Variants in NDUFV1 observed in about 807,000 individuals in gnomAD.
The protein encoded by NDUFV1 is NADH dehydrogenase [ubiquinone] flavoprotein 1, mitochondrial.
A neutral mutation model predicts 48.7 loss-of-function variants in NDUFV1; 41 were observed. That is an observed-to-expected ratio of 0.84 (90% confidence interval 0.66 to 1.09). NDUFV1 has a LOEUF of 1.09. Among genes scored for constraint, NDUFV1 ranks in the 50% least tolerant of loss-of-function variants. The pLI is 0.00. For synonymous variants in NDUFV1, 231 were observed against 259.1 expected, an observed-to-expected ratio of 0.89 and a Z score of 1.04; for missense variants, 580 against 645.4, an observed-to-expected ratio of 0.90 and a Z score of 1.10.
At chr11:67,610,165 G>A (rs1854885247) in intron 4 of NDUFV1, 1 of 588,176 alleles carries the variant, frequency 1.7e-6, no homozygotes. Context: ...TATTTTCCTG[G>A]CAGCAAAGCA....
Position 67,612,168 on chromosome 11 carries a change from C to CCCGG in NDUFV1, c.1219_1222dup (p.Glu408GlyfsTer23). On this transcript the variant is annotated frameshift_variant, in exon 9 of 10. Transcript: ENST00000322776. LOFTEE classifies it high-confidence loss of function. This position sits in a 1 kb window ranked among gnomAD's most constrained non-coding sequence, Gnocchi z 4.4. ...ATGGCACGTTTCGTGAGGGGGGATG[C>CCCGG]CCGGCCGGCCGAGATCGACTCCCTG... 1 of 1,613,494 alleles carries CCCGG rather than the reference C, an allele frequency of 6.2e-7. No individual in the cohort carries two copies. The highest frequency in any genetic ancestry group is 8.5e-7 in the Non-Finnish European group (1 of 1,179,910).
chr11:67,611,571 T>G lies in NDUFV1; in HGVS notation c.1080+2T>G. The G allele has an allele frequency of 6.2e-7, 1 of 1,601,062 alleles. No homozygotes were observed. The highest frequency in any genetic ancestry group is 8.5e-7 in the Non-Finnish European group (1 of 1,173,814). On this transcript the variant is annotated splice_donor_variant, in intron 7 of 9. Coordinates refer to ENST00000322776, the MANE Select transcript of NDUFV1 (RefSeq NM_007103.4). LOFTEE classifies it high-confidence loss of function. This position sits in a 1 kb window ranked among gnomAD's most constrained non-coding sequence, Gnocchi z 4.2. ...GCGGTGATCGTCATGGACCGCTCGG[T>G]AAGGGTTCACACACCAGCCCTGGTC...
chr11:67,611,782 AC>A lies in NDUFV1; in HGVS notation c.1081-114del. ...CCCAGGGAGGCTGGAGGAGGCCAGAACGCTGGGTGGGCTGGGAAGAGCTTCT... is the reference window on the plus strand; with the variant it reads ...CCCAGGGAGGCTGGAGGAGGCCAGAAGCTGGGTGGGCTGGGAAGAGCTTCT... On this transcript the variant is annotated intron_variant, in intron 7 of 9. Transcript: ENST00000322776. This position sits in a 1 kb window ranked among gnomAD's most constrained non-coding sequence, Gnocchi z 4.2. 1 of 1,464,058 alleles carries A rather than the reference AC, an allele frequency of 6.8e-7. No homozygotes were observed. Among genetic ancestry groups the A allele is most frequent in the South Asian group, 1.2e-5 (1 of 85,866 alleles). 90.7% of individuals were successfully genotyped at this position (1,464,058 alleles called of 1,614,324 possible).
chr11:67,607,098 GC>G (rs1854819815), intron 1 of NDUFV1, 22 bp downstream of exon 1: 1 of 1,598,846 alleles, frequency 6.3e-7, no homozygotes, highest in East Asian at 2.2e-5. Flanking sequence ...CCTGGCTGGG[GC>G]CACGGGTGTT....
chr11:67,608,821 A>G, intron 3 of NDUFV1, 99 bp downstream of exon 3: 1 of 1,539,850 alleles, frequency 6.5e-7, no homozygotes, highest in South Asian at 1.1e-5. Context: ...GAAACTTAGC[A>G]TGAATGAGGT....
intron 5 of NDUFV1, 67 bp downstream of exon 5, chr11:67,610,637 T>C: frequency 6.3e-7 from 1 of 1,577,956 alleles, no homozygotes. Flanking sequence ...TAGGCTCCCT[T>C]TGGATTGTTC....
At chr11:67,609,837 A>G (rs1591110104) in intron 4 of NDUFV1, 1 of 439,602 alleles carries the variant, frequency 2.3e-6, no homozygotes, top group East Asian at 3.9e-5. Flanking sequence ...GCTGGTGTAA[A>G]TTTTTTTTTT....
At position 67,610,573 on chromosome 11, in the gene NDUFV1, A is replaced by T; in HGVS notation, c.700+3A>T. The T allele has an allele frequency of 6.2e-7, 1 of 1,613,784 alleles. No individual in the cohort carries two copies. Among genetic ancestry groups the T allele is most frequent in the Non-Finnish European group, 8.5e-7 (1 of 1,179,900 alleles). On this transcript the variant is annotated splice_donor_region_variant and intron_variant, in intron 5 of 9. Coordinates refer to ENST00000322776, the MANE Select transcript of NDUFV1 (RefSeq NM_007103.4). ...GCCCCCCTTCCCCGCAGACGTGGGT[A>T]AGGCCTGGCGTAACCCTGGGTCAGA...
intron 5 of NDUFV1, 37 bp from the exon 6 acceptor site, chr11:67,610,958 C>A (rs199689764): frequency 1.2e-6 from 2 of 1,609,506 alleles, no homozygotes; most frequent in Admixed American, 1.7e-5. Flanking sequence ...TGCCCCACCC[C>A]CTAGCAGCCA....
At position 67,612,229 on chromosome 11, in the gene NDUFV1, T is replaced by C. The variant is rs1481525020; in HGVS notation, c.1272T>C (p.Ile424=). ...EISKQIEGHT[I]CALGDGAAWP... Reference sequence around the variant, plus strand: ...GCAAGCAGATAGAAGGCCATACGATTTGTGCTCTGGGTGACGGGGCCGCCT... The same window carrying C: ...GCAAGCAGATAGAAGGCCATACGATCTGTGCTCTGGGTGACGGGGCCGCCT... Residue 424 remains isoleucine (I), a synonymous_variant, in exon 9 of 10, where the codon ATT becomes ATC. Coordinates refer to ENST00000322776, the MANE Select transcript of NDUFV1 (RefSeq NM_007103.4). This position sits in a 1 kb window ranked among gnomAD's most constrained non-coding sequence, Gnocchi z 4.4. The C allele has an allele frequency of 1.2e-6, 2 of 1,613,474 alleles. No individual in the cohort carries two copies. Among genetic ancestry groups the C allele is most frequent in the Non-Finnish European group, 1.7e-6 (2 of 1,179,886 alleles).
intron 4 of NDUFV1, chr11:67,609,864 GTATTTTTTA>G (rs1854879645): frequency 3.9e-6 from 2 of 508,150 alleles, no homozygotes; most frequent in Admixed American, 3.7e-5. Context: ...CAAAAATATA[GTATTTTTTA>G]TAAAACAAGT....
Position 67,606,998 on chromosome 11 carries a change from C to T in NDUFV1, c.-7C>T, listed in dbSNP as rs571375592. 7 of 1,609,510 alleles carry T rather than the reference C, an allele frequency of 4.3e-6. No homozygotes were observed. The South Asian group carries it at 5.5e-5, about 13-fold the overall frequency. ...ACAGCGTGAGGTGACCCATCTGGCC[C>T]GCCGCGATGCTGGCAACACGGCGGC... On this transcript the variant is annotated 5_prime_UTR_variant, in exon 1 of 10. Transcript: ENST00000322776.
At chr11:67,607,311 C>T (rs775891248) in intron 1 of NDUFV1, 6 of 689,236 alleles carry the variant, frequency 8.7e-6, no homozygotes, top group Middle Eastern at 2.3e-4. Flanking sequence ...CTCGGCCTGG[C>T]GGAAGTTTTG....
rs1565226211 is a variant in NDUFV1 at position 67,612,164 on chromosome 11, G to A, written c.1207G>A (p.Asp403Asn). The A allele has an allele frequency of 6.2e-7, 1 of 1,613,768 alleles. No individual in the cohort carries two copies. Among genetic ancestry groups the A allele is most frequent in the Non-Finnish European group, 8.5e-7 (1 of 1,179,958 alleles). Residue 403 changes from aspartate to asparagine, a missense_variant, in exon 9 of 10, where the codon GAT becomes AAT. Asp to Asn is a conservative substitution (Grantham distance 23). Coordinates refer to ENST00000322776, the MANE Select transcript of NDUFV1 (RefSeq NM_007103.4). The surrounding 1 kb of genome is among the most constrained non-coding windows in gnomAD (Gnocchi z 4.4). ...GGTGATGGCACGTTTCGTGAGGGGG[G>A]ATGCCCGGCCGGCCGAGATCGACTC... ...NKVMARFVRGDARPAEIDSLW... is the reference protein window; with the variant it reads ...NKVMARFVRGNARPAEIDSLW...
Position 67,607,213 on chromosome 11 carries a change from C to T in NDUFV1, c.72+137C>T. ...CAGGCCAGGCGGGAAGGCCCCCGCT[C>T]CGGCCTGGTTGAAGTAGGGGAACGG... On this transcript the variant is annotated intron_variant, in intron 1 of 9. Coordinates refer to ENST00000322776, the MANE Select transcript of NDUFV1 (RefSeq NM_007103.4). 9 of 1,006,840 alleles carry T rather than the reference C, an allele frequency of 8.9e-6. No homozygotes were observed. The Admixed American group carries it at 1.4e-4, about 16-fold the overall frequency. The allele number at this position is 1,006,840 out of a possible 1,614,324, so 62.4% of individuals were successfully genotyped here. A position where few individuals can be genotyped will look rare whatever the true frequency, so the allele number is the denominator to read the frequency against.
intron 3 of NDUFV1, 112 bp from the exon 4 acceptor site, chr11:67,609,340 T>C: frequency 9.1e-7 from 1 of 1,104,366 alleles, no homozygotes. Flanking sequence ...AGTAAAGGAT[T>C]GGCTGTCAGA....
chr11:67,612,438 G>T lies in NDUFV1; in HGVS notation c.1375G>T (p.Ala459Ser). Residue 459 changes from alanine to serine, a missense_variant, in exon 10 of 10, where the codon GCC (alanine) becomes TCC (serine). Ala to Ser is a moderately conservative substitution (Grantham distance 99, BLOSUM62 1). Transcript: ENST00000322776. This position sits in a 1 kb window ranked among gnomAD's most constrained non-coding sequence, Gnocchi z 4.4. ...GCAGCGGTTTGCCCAGCAGCATCAGGCCCGGCAGGCTGCCTCTTAGCCCAC... is the reference window on the plus strand; with the variant it reads ...GCAGCGGTTTGCCCAGCAGCATCAGTCCCGGCAGGCTGCCTCTTAGCCCAC... ...RMQRFAQQHQ[A>S]RQAAS 6.2e-7 allele frequency: 1 copy of T among 1,612,032 alleles called. No individual in the cohort carries two copies. Among genetic ancestry groups the T allele is most frequent in the South Asian group, 1.1e-5 (1 of 90,974 alleles).
Position 67,611,822 on chromosome 11 carries a change from G to T in NDUFV1, c.1081-75G>T, listed in dbSNP as rs1275082676. 2 of 1,562,982 alleles carry T rather than the reference G, an allele frequency of 1.3e-6. No homozygotes were observed. The highest frequency in any genetic ancestry group is 1.4e-5 in the African/African-American group (1 of 73,714). Reference sequence around the variant, plus strand: ...GGAAGAGCTTCTGGAACTGGGGGAGGGGCTGCTGCTAGGGGGCTGAGGCCC... The same window carrying T: ...GGAAGAGCTTCTGGAACTGGGGGAGTGGCTGCTGCTAGGGGGCTGAGGCCC... On this transcript the variant is annotated intron_variant, in intron 7 of 9. Coordinates refer to ENST00000322776, the MANE Select transcript of NDUFV1 (RefSeq NM_007103.4). This position sits in a 1 kb window ranked among gnomAD's most constrained non-coding sequence, Gnocchi z 4.2.
At chr11:67,610,154 T>C in intron 4 of NDUFV1, 2 of 583,246 alleles carry the variant, frequency 3.4e-6, no homozygotes, top group East Asian at 2.9e-5. Context: ...TACTTCGTTT[T>C]TATTTTCCTG....
Sources: gnomAD v4.1 joint callset for allele counts on GRCh38, gnomAD v4.1.1 for gene constraint, Gnocchi (gnomAD v3.1) non-coding constraint, MANE v1.5 for transcripts, NCBI Gene and HGNC (gene_info 2026-07-23, HGNC 2026-07-21) for gene names.